Variants in ERBB4 observed in about 807,000 individuals in gnomAD.
ERBB4 encodes the protein receptor tyrosine-protein kinase erbB-4.
Under a neutral mutation model 158.0 loss-of-function variants are expected in ERBB4, and 42 were observed. That is an observed-to-expected ratio of 0.27 (90% CI 0.21 to 0.34). ERBB4 has a LOEUF of 0.34. ERBB4 is among the 10% of genes least tolerant of loss of function. The probability of loss-of-function intolerance (pLI) is 1.00; values close to 1 mark genes in which losing one functional copy is unlikely to be tolerated. For synonymous variants in ERBB4, 583 were observed against 558.7 expected, an observed-to-expected ratio of 1.04 and a Z score of -0.61; for missense variants, 1,333 against 1,624.1, an observed-to-expected ratio of 0.82 and a Z score of 3.08.
At chr2:211,580,289 A>G (rs1247343921) in intron 19 of ERBB4, among the ~76,000 whole-genome samples, 1 of 152,170 alleles carries the variant, frequency 6.6e-6, no homozygotes, top group African/African-American at 2.4e-5. Flanking sequence ...GAAATCAAAC[A>G]TATTAGCAAG....
At chr2:212,254,394 A>C (rs2084649721) in intron 1 of ERBB4, among the ~76,000 whole-genome samples, 1 of 152,194 alleles carries the variant, frequency 6.6e-6, no homozygotes, top group Non-Finnish European at 1.5e-5. Flanking sequence ...GGAAACAAAC[A>C]ACTCGAATAG....
chr2:212,481,963 G>A (rs1689725105), intron 1 of ERBB4, among the ~76,000 whole-genome samples: 1 of 152,184 alleles, frequency 6.6e-6, no homozygotes, highest in South Asian at 2.1e-4. Context: ...CCTGGTAATG[G>A]TAGCAGCAAT....
chr2:212,299,606 T>C (rs1002542846), intron 1 of ERBB4, among the ~76,000 whole-genome samples: 12 of 151,658 alleles, frequency 7.9e-5, no homozygotes, highest in Admixed American at 4.0e-4. Flanking sequence ...TATATAATAA[T>C]GGCAGGGACA....
intron 16 of ERBB4, among the ~76,000 whole-genome samples, chr2:211,639,153 A>C (rs1251768600): frequency 6.6e-6 from 1 of 152,186 alleles, no homozygotes; most frequent in Non-Finnish European, 1.5e-5. Context: ...ATATCTATAT[A>C]CCATACTAAT....
At chr2:212,240,666 A>AAAAAAAAAAAAAAAAAAAG (rs2084065587) in intron 1 of ERBB4, among the ~76,000 whole-genome samples, 1 of 144,968 alleles carries the variant, frequency 6.9e-6, no homozygotes, top group Non-Finnish European at 1.5e-5. Flanking sequence ...AAAAAAAAAA[A>AAAAAAAAAAAAAAAAAAAG]ACAGAAAAAA....
intron 1 of ERBB4, among the ~76,000 whole-genome samples, chr2:212,525,943 T>A (rs188376278): frequency 6.6e-6 from 1 of 152,156 alleles, no homozygotes; most frequent in Admixed American, 6.6e-5. Context: ...ACTACAAATG[T>A]CCTTGAAACA....
chr2:211,887,422 G>C (rs889996569), intron 3 of ERBB4, among the ~76,000 whole-genome samples: 1 of 152,046 alleles, frequency 6.6e-6, no homozygotes, highest in Non-Finnish European at 1.5e-5. Flanking sequence ...ATGGTGTTCA[G>C]TGCCTAATAA....
chr2:212,329,333 A>T (rs1397762305), intron 1 of ERBB4, among the ~76,000 whole-genome samples: 1 of 152,056 alleles, frequency 6.6e-6, no homozygotes, highest in African/African-American at 2.4e-5. Flanking sequence ...GCAACTTGAG[A>T]CTATAGAATT....
At chr2:212,011,530 C>T (rs1348641105) in intron 2 of ERBB4, among the ~76,000 whole-genome samples, 2 of 152,002 alleles carry the variant, frequency 1.3e-5, no homozygotes, top group African/African-American at 4.8e-5. Flanking sequence ...ACGGGTGGAT[C>T]ACCTGAGGTC....
In ERBB4 at chr2:212,309,753, G is replaced by A. The variant is rs536261278; in HGVS notation, c.83-184850C>T. Among the ~76,000 whole-genome samples, 5 of 99,574 alleles carry A rather than the reference G, an allele frequency of 5.0e-5. No individual in the cohort carries two copies. In the South Asian group the frequency reaches 1.3e-3, roughly 27 times the overall value. The allele number at this position is 99,574 out of a possible 152,430, so 65.3% of individuals were successfully genotyped here. ...TTTTCAATGCCATGGTAAGCTTTGA[G>A]GGTATTTTTTTTTTAAGCAATCAGA... is the stretch of plus-strand genomic sequence containing the variant. On this transcript the variant is annotated intron_variant, in intron 1 of 27. Transcript: ENST00000342788.
At chr2:211,857,031 T>G (rs1355228963) in intron 3 of ERBB4, among the ~76,000 whole-genome samples, 1 of 152,166 alleles carries the variant, frequency 6.6e-6, no homozygotes, top group Non-Finnish European at 1.5e-5. Context: ...ATATTTCAGC[T>G]TTCAGGTTGT....
intron 3 of ERBB4, among the ~76,000 whole-genome samples, chr2:211,808,716 G>C (rs2076677740): frequency 1.3e-5 from 2 of 152,112 alleles, no homozygotes; most frequent in Admixed American, 1.3e-4. Context: ...AATCACTTCG[G>C]GCAGTATGGC....
rs116471912 is a variant in ERBB4, at chr2:212,006,043, T to C, written c.235-58427A>G. ...AAAAAGAAAGAACAAAATTGCCAACTTAATTTAAACCTGTACAAGCATACA... is the reference window on the plus strand; with the variant it reads ...AAAAAGAAAGAACAAAATTGCCAACCTAATTTAAACCTGTACAAGCATACA... On this transcript the variant is annotated intron_variant, in intron 2 of 27. Transcript: ENST00000342788. Among the ~76,000 whole-genome samples, 700 of 152,222 alleles carry C rather than the reference T, an allele frequency of 4.6e-3. 5 individuals carry two copies. Among genetic ancestry groups the C allele is most frequent in the African/African-American group, 0.016 (666 of 41,552 alleles).
chr2:212,487,561 T>C (rs903895852), intron 1 of ERBB4, among the ~76,000 whole-genome samples: 1 of 151,700 alleles, frequency 6.6e-6, no homozygotes, highest in African/African-American at 2.4e-5. Flanking sequence ...GCATGTATTT[T>C]TTTTTTTTCA....
chr2:211,981,829 C>A (rs1047116892), intron 2 of ERBB4, among the ~76,000 whole-genome samples: 1 of 152,182 alleles, frequency 6.6e-6, no homozygotes. Flanking sequence ...TGAGCTCTCT[C>A]AGATTTTGAT....
At chr2:211,612,682 T>A (rs987900057) in intron 19 of ERBB4, among the ~76,000 whole-genome samples, 3 of 152,014 alleles carry the variant, frequency 2.0e-5, no homozygotes, top group Admixed American at 1.3e-4. Flanking sequence ...TATTTTACTT[T>A]AGTAAAGCCA....
chr2:212,378,005 G>A (rs2090382125), intron 1 of ERBB4, among the ~76,000 whole-genome samples: 1 of 150,764 alleles, frequency 6.6e-6, no homozygotes, highest in African/African-American at 2.4e-5. Flanking sequence ...ACACACATTA[G>A]CCTAGGCCTA....
chr2:211,456,703 T>C (rs1032344609), intron 20 of ERBB4, among the ~76,000 whole-genome samples: 1 of 152,102 alleles, frequency 6.6e-6, no homozygotes, highest in Non-Finnish European at 1.5e-5. Flanking sequence ...GGGAGAGGGA[T>C]AGTTTTGGGA....
chr2:211,811,168 T>C (rs1287401022), intron 3 of ERBB4, among the ~76,000 whole-genome samples: 2 of 152,178 alleles, frequency 1.3e-5, no homozygotes, highest in African/African-American at 4.8e-5. Context: ...TTCCTTTCCA[T>C]GTTTAGGGCT....
Sources: allele counts gnomAD v4.1 joint callset (sites outside exome capture counted in the v4.1 genomes callset), GRCh38; gene constraint gnomAD v4.1.1; transcripts MANE v1.5; gene names NCBI Gene and HGNC (gene_info 2026-07-23, HGNC 2026-07-21).